Variants in FAM81B observed in about 807,000 individuals in gnomAD.
FAM81B encodes the protein protein FAM81B.
In FAM81B, 60 loss-of-function variants were observed where a neutral mutation model predicts 58.7. The ratio of observed to expected loss-of-function variants is 1.02; its 90% CI spans 0.83 to 1.27. The LOEUF (loss-of-function observed/expected upper bound fraction) is 1.27. Ranked by LOEUF, FAM81B falls within the 50% of genes most tolerant of loss-of-function variation. The pLI is 0.00. For synonymous variants in FAM81B, 189 were observed against 179.6 expected (o/e 1.05, Z -0.42); for missense variants, 491 against 522.0 (o/e 0.94, Z 0.58).
chr5:95,447,922 C>T (rs1277947885), intron 8 of FAM81B, among the ~76,000 whole-genome samples: 1 of 152,164 alleles, frequency 6.6e-6, no homozygotes, highest in Non-Finnish European at 1.5e-5. Flanking sequence ...TAGCCGAAGT[C>T]TGTCCACGTG....
At chr5:95,418,443 A>T (rs1285561825) in intron 4 of FAM81B, among the ~76,000 whole-genome samples, 4 of 152,224 alleles carry the variant, frequency 2.6e-5, no homozygotes, top group Non-Finnish European at 5.9e-5. Flanking sequence ...GGTAAGAACA[A>T]ATCTTCTATC....
chr5:95,395,749 A>G (rs1284171524), intron 2 of FAM81B, among the ~76,000 whole-genome samples: 1 of 152,216 alleles, frequency 6.6e-6, no homozygotes, highest in Admixed American at 6.5e-5. Flanking sequence ...GTTTCTCCTT[A>G]GAAATCAGCA....
intron 4 of FAM81B, among the ~76,000 whole-genome samples, chr5:95,418,026 A>T (rs1762581790): frequency 6.6e-6 from 1 of 152,178 alleles, no homozygotes; most frequent in South Asian, 2.1e-4. Flanking sequence ...TGTGATTTCA[A>T]AAGTTTACAG....
chr5:95,440,153 T>G, intron 7 of FAM81B: 1 of 580,544 alleles, frequency 1.7e-6, no homozygotes, highest in South Asian at 1.5e-5. Context: ...CTTTGAAAAG[T>G]GTCTCAGAGG....
intron 4 of FAM81B, among the ~76,000 whole-genome samples, chr5:95,415,981 C>A (rs890206895): frequency 6.6e-6 from 1 of 152,066 alleles, no homozygotes; most frequent in Non-Finnish European, 1.5e-5. Context: ...TAAAAAAAGA[C>A]AAATCCAAAA....
At chr5:95,405,666 T>C (rs567333711) in intron 3 of FAM81B, among the ~76,000 whole-genome samples, 1 of 152,214 alleles carries the variant, frequency 6.6e-6, no homozygotes, top group South Asian at 2.1e-4. Context: ...CCTGTTAATC[T>C]GGCCTTTGAA....
intron 5 of FAM81B, among the ~76,000 whole-genome samples, chr5:95,424,409 C>A (rs370941057): frequency 6.6e-6 from 1 of 150,974 alleles, no homozygotes; most frequent in East Asian, 1.9e-4. Flanking sequence ...CAAAAGTTCT[C>A]CCGGTTTCAA....
At chr5:95,420,523 A>G in intron 5 of FAM81B, 121 bp downstream of exon 5, 1 of 1,359,524 alleles carries the variant, frequency 7.4e-7, no homozygotes, top group South Asian at 1.4e-5. Flanking sequence ...TAAACTAATG[A>G]GATGGCATTT....
At chr5:95,424,713 C>T (rs972252244) in intron 5 of FAM81B, among the ~76,000 whole-genome samples, 1 of 152,178 alleles carries the variant, frequency 6.6e-6, no homozygotes, top group African/African-American at 2.4e-5. Flanking sequence ...AGGCTTCAGG[C>T]CCTTGCCACT....
intron 4 of FAM81B, among the ~76,000 whole-genome samples, chr5:95,416,917 G>A (rs893563011): frequency 1.3e-5 from 2 of 152,014 alleles, no homozygotes; most frequent in African/African-American, 4.8e-5. Flanking sequence ...GGTAGTGCAC[G>A]CCTATAGACA....
At chr5:95,435,275 C>CT (rs1050386018) in intron 6 of FAM81B, among the ~76,000 whole-genome samples, 53 of 151,228 alleles carry the variant, frequency 3.5e-4, no homozygotes, top group Non-Finnish European at 5.8e-4. Context: ...TTTTTTGTTG[C>CT]TTTTTTTTTA....
At chr5:95,422,769 C>T (rs769458808) in intron 5 of FAM81B, among the ~76,000 whole-genome samples, 11 of 152,112 alleles carry the variant, frequency 7.2e-5, no homozygotes, top group Non-Finnish European at 1.3e-4. Flanking sequence ...TTTTTGTAAA[C>T]CCTGTTTTAT....
chr5:95,433,774 G>A (rs566830803), intron 6 of FAM81B, among the ~76,000 whole-genome samples: 1 of 152,170 alleles, frequency 6.6e-6, no homozygotes, highest in Admixed American at 6.5e-5. Context: ...TTATTTTTTA[G>A]TCTACTGCTG....
chr5:95,436,132 T>C (rs968551453), intron 6 of FAM81B, among the ~76,000 whole-genome samples: 38 of 152,356 alleles, frequency 2.5e-4, no homozygotes, highest in African/African-American at 8.9e-4. Flanking sequence ...CTCTATTTTT[T>C]AATCCAGTTC....
In FAM81B at chr5:95,445,258, C is replaced by T. The variant is rs192349730; in HGVS notation, c.894-1304C>T. On this transcript the variant is annotated intron_variant, in intron 7 of 9. Coordinates refer to ENST00000283357, the MANE Select transcript of FAM81B (RefSeq NM_152548.3). The stretch of plus-strand genomic sequence containing the variant: ...GCAATTATTACTTTAACTGTCTGTA[C>T]CATACATTGTAAGACAGTCTGAATA... Among the ~76,000 whole-genome samples, 29 of 152,250 alleles carry T rather than the reference C, an allele frequency of 1.9e-4. No homozygotes were observed. In the East Asian group the frequency reaches 4.8e-3, roughly 25 times the overall value.
At chr5:95,394,911 T>C (rs556379349) in intron 2 of FAM81B, among the ~76,000 whole-genome samples, 2 of 152,276 alleles carry the variant, frequency 1.3e-5, no homozygotes, top group Admixed American at 6.5e-5. Flanking sequence ...AGTAATTCCT[T>C]GGGCATTTGA....
intron 1 of FAM81B, among the ~76,000 whole-genome samples, chr5:95,392,341 T>G (rs1240928635): frequency 6.6e-6 from 1 of 151,782 alleles, no homozygotes; most frequent in Non-Finnish European, 1.5e-5. Context: ...CATCACACAC[T>G]GGGGCCTGTT....
At position 95,401,365 on chromosome 5, in the gene FAM81B, C is replaced by T. The variant is rs190514417; in HGVS notation, c.293+5190C>T. ...CTGGTGTACTTCCTTCTGCACTGGG[C>T]CCACCAGAACTCAAATTGCCTGCCT... On this transcript the variant is annotated intron_variant, in intron 3 of 9. Transcript: ENST00000283357. 1.7e-3 allele frequency among the ~76,000 whole-genome samples: 265 copies of T among 152,224 alleles called. 1 individual carries two copies. Among genetic ancestry groups the T allele is most frequent in the Middle Eastern group, 3.4e-3 (1 of 294 alleles).
chr5:95,432,728 T>G (rs1400307746), intron 6 of FAM81B, among the ~76,000 whole-genome samples: 1 of 152,034 alleles, frequency 6.6e-6, no homozygotes, highest in Non-Finnish European at 1.5e-5. Context: ...TCTCTCTGCT[T>G]TTATTTATTC....
Sources: allele counts gnomAD v4.1 joint callset (sites outside exome capture counted in the v4.1 genomes callset), GRCh38; gene constraint gnomAD v4.1.1; transcripts MANE v1.5; gene names NCBI Gene and HGNC (gene_info 2026-07-23, HGNC 2026-07-21).